Variants in HLCS observed in about 807,000 individuals in gnomAD.
HLCS encodes holocarboxylase synthetase, also known as biotin--protein ligase.
Under a neutral mutation model 75.0 loss-of-function variants are expected in HLCS, and 53 were observed. That is an observed-to-expected ratio of 0.71 (90% CI 0.57 to 0.89). HLCS has a LOEUF of 0.89. HLCS is among the 40% of genes least tolerant of loss of function. The pLI is 0.00. For missense variants in HLCS, 966 were observed against 1,074.0 expected (o/e 0.90, Z 1.41); for synonymous variants, 431 against 428.6 (o/e 1.01, Z -0.07).
At chr21:36,848,398 T>C (rs902773168) in intron 6 of HLCS, among the ~76,000 whole-genome samples, 2 of 151,496 alleles carry the variant, frequency 1.3e-5, no homozygotes, top group African/African-American at 4.9e-5. Flanking sequence ...GCCTCCGGAG[T>C]AGCTGGGATT....
chr21:36,923,616 C>T (rs2066272500), intron 5 of HLCS, among the ~76,000 whole-genome samples: 1 of 152,084 alleles, frequency 6.6e-6, no homozygotes, highest in Non-Finnish European at 1.5e-5. Flanking sequence ...ATCTCTGCCC[C>T]GGGTATTTAC....
At chr21:36,793,788 G>A (rs1005496173) in intron 6 of HLCS, among the ~76,000 whole-genome samples, 6 of 152,220 alleles carry the variant, frequency 3.9e-5, no homozygotes, top group South Asian at 2.1e-4. Flanking sequence ...GTGCTAGTCA[G>A]AAGCTACATA....
chr21:36,906,011 T>C (rs1040598602), intron 5 of HLCS, among the ~76,000 whole-genome samples: 8 of 142,630 alleles, frequency 5.6e-5, no homozygotes, highest in East Asian at 4.0e-4. Flanking sequence ...GATTGTACCA[T>C]TGCACTCCAG....
At position 36,936,367 on chromosome 21, in the gene HLCS, C is replaced by A. The variant is rs1343550581; in HGVS notation, c.1437+82G>T. On this transcript the variant is annotated intron_variant, in intron 4 of 10. Coordinates refer to ENST00000674895, the MANE Select transcript of HLCS (RefSeq NM_001352514.2). The stretch of plus-strand genomic sequence containing the variant: ...CACACGAACTCCTGAAACTTTTAAG[C>A]GTGTACCTTTAAAAGACATATTCCC... 5 of 1,213,284 alleles carry A rather than the reference C, an allele frequency of 4.1e-6. No individual in the cohort carries two copies. In the East Asian group the frequency reaches 1.2e-4, roughly 28 times the overall value. 75.2% of individuals were successfully genotyped at this position (1,213,284 alleles called of 1,614,324 possible).
chr21:36,819,068 G>A (rs573374670), intron 6 of HLCS, among the ~76,000 whole-genome samples: 2 of 152,290 alleles, frequency 1.3e-5, no homozygotes, highest in African/African-American at 2.4e-5. Context: ...GAACTGGCAG[G>A]AAGCAGCAGC....
intron 5 of HLCS, 68 bp from the exon 6 acceptor site, chr21:36,897,199 T>C: frequency 6.5e-7 from 1 of 1,540,088 alleles, no homozygotes; most frequent in Non-Finnish European, 9.0e-7. Context: ...TAGCTTTTCC[T>C]TATAATGCCA....
chr21:36,823,911 G>A (rs995016215), intron 6 of HLCS, among the ~76,000 whole-genome samples: 1 of 152,110 alleles, frequency 6.6e-6, no homozygotes, highest in Non-Finnish European at 1.5e-5. Context: ...ATAGCACCAA[G>A]AGAAACCAAA....
intron 4 of HLCS, among the ~76,000 whole-genome samples, chr21:36,935,843 T>TC (rs2066855218): frequency 6.6e-6 from 1 of 152,202 alleles, no homozygotes; most frequent in African/African-American, 2.4e-5. Flanking sequence ...CTTTCCATTT[T>TC]CCCCCTACCT....
intron 2 of HLCS, among the ~76,000 whole-genome samples, chr21:36,961,098 C>T (rs1242598481): frequency 6.6e-6 from 1 of 152,160 alleles, no homozygotes; most frequent in Non-Finnish European, 1.5e-5. Flanking sequence ...GAGGAAAAGC[C>T]GGCTGGCGTG....
chr21:36,932,222 T>C (rs774101268), intron 4 of HLCS, among the ~76,000 whole-genome samples: 1 of 152,240 alleles, frequency 6.6e-6, no homozygotes, highest in Non-Finnish European at 1.5e-5. Context: ...TGTTTCAGTG[T>C]TTTGGCCTTT....
At chr21:36,797,923 G>A (rs2061076750) in intron 6 of HLCS, among the ~76,000 whole-genome samples, 1 of 152,186 alleles carries the variant, frequency 6.6e-6, no homozygotes, top group Non-Finnish European at 1.5e-5. Flanking sequence ...GTTCTGGCAG[G>A]AGGAGTCAGA....
chr21:36,885,684 C>G (rs757017303), intron 6 of HLCS, among the ~76,000 whole-genome samples: 1 of 152,096 alleles, frequency 6.6e-6, no homozygotes, highest in Admixed American at 6.5e-5. Context: ...TACTAAGAGT[C>G]TGCTGACATA....
chr21:36,810,051 T>C (rs1009646729), intron 6 of HLCS, among the ~76,000 whole-genome samples: 1 of 152,222 alleles, frequency 6.6e-6, no homozygotes, highest in Non-Finnish European at 1.5e-5. Flanking sequence ...CCATTTAGTA[T>C]AGTTATAACA....
chr21:36,822,579 G>A (rs369502470), intron 6 of HLCS, among the ~76,000 whole-genome samples: 2 of 151,802 alleles, frequency 1.3e-5, no homozygotes, highest in Non-Finnish European at 2.9e-5. Context: ...TAGTAATCAC[G>A]GCTCTTTCAT....
rs76251214 is a variant in HLCS, at chr21:36,984,641, G to A, written c.-393+5517C>T. 2.9e-3 allele frequency among the ~76,000 whole-genome samples: 443 copies of A among 152,240 alleles called. 2 individuals carry two copies. Among genetic ancestry groups the A allele is most frequent in the African/African-American group, 0.01 (419 of 41,534 alleles). On this transcript the variant is annotated intron_variant, in intron 1 of 11. Transcript: ENST00000336648. ...CATGGACACAGAGAGTGGAATAACA[G>A]GCATTGGAGGCTCAGAAGGGTGGAA...
chr21:36,940,702 G>GCTCATC (rs1569224219), intron 2 of HLCS, among the ~76,000 whole-genome samples: 1 of 152,204 alleles, frequency 6.6e-6, no homozygotes, highest in Non-Finnish European at 1.5e-5. Context: ...CAGGGTCCTT[G>GCTCATC]CTCATCCAAG....
Position 36,966,668 on chromosome 21 carries a change from T to TTGCC in HLCS, c.-31_-30insGGCA. On this transcript the variant is annotated 5_prime_UTR_variant, in exon 1 of 11. Coordinates refer to ENST00000674895, the MANE Select transcript of HLCS (RefSeq NM_001352514.2). Reference sequence around the variant, plus strand: ...GCGCCGCCGGCAGGGCGAGCCCGCCTTGCCCGCCCGCCCCAGCGCCCCAGG... The same window carrying TTGCC: ...GCGCCGCCGGCAGGGCGAGCCCGCCTTGCCTGCCCGCCCGCCCCAGCGCCCCAGG... 1.0e-6 allele frequency: 1 copy of TTGCC among 963,334 alleles called. No homozygotes were observed. Among genetic ancestry groups the TTGCC allele is most frequent in the Non-Finnish European group, 1.2e-6 (1 of 813,232 alleles). The allele number at this position is 963,334 out of a possible 1,614,324, so 59.7% of individuals were successfully genotyped here.
At chr21:36,913,590 G>A (rs777555061) in intron 5 of HLCS, among the ~76,000 whole-genome samples, 10 of 152,046 alleles carry the variant, frequency 6.6e-5, no homozygotes, top group Admixed American at 2.6e-4. Context: ...GTGAAACTCC[G>A]TCTCTACTAA....
intron 6 of HLCS, among the ~76,000 whole-genome samples, chr21:36,824,808 A>G (rs1457517355): frequency 1.3e-5 from 2 of 152,212 alleles, no homozygotes; most frequent in Non-Finnish European, 2.9e-5. Flanking sequence ...GAAGAAACAC[A>G]AAACAATAAA....
Sources: allele counts gnomAD v4.1 joint callset (sites outside exome capture counted in the v4.1 genomes callset), GRCh38; gene constraint gnomAD v4.1.1; transcripts MANE v1.5; gene names NCBI Gene and HGNC (gene_info 2026-07-23, HGNC 2026-07-21).